The following REEP1 variants were observed in gnomAD, a reference collection of about 807,000 sequenced individuals.
The protein encoded by REEP1 is receptor expression-enhancing protein 1.
A neutral mutation model predicts 40.3 loss-of-function variants in REEP1; 22 were observed. The ratio of observed to expected loss-of-function variants is 0.55; its 90% CI spans 0.39 to 0.78. REEP1 has a LOEUF of 0.78. REEP1 is among the 30% of genes least tolerant of loss of function. REEP1 has a pLI of 0.00. For synonymous variants in REEP1, 116 were observed against 139.2 expected, an observed-to-expected ratio of 0.83 and a Z score of 1.17; for missense variants, 280 against 361.1, an observed-to-expected ratio of 0.78 and a Z score of 1.82.
Position 86,215,225 on chromosome 2 carries a change from T to C in REEP1, c.*1814A>G, listed in dbSNP as rs765004590. 3 of 152,204 alleles carry C rather than the reference T, an allele frequency of 2.0e-5. No individual in the cohort carries two copies. Among genetic ancestry groups the C allele is most frequent in the Non-Finnish European group, 4.4e-5 (3 of 68,028 alleles). The allele number at this position is 152,204 out of a possible 1,614,324, so 9.4% of individuals were successfully genotyped here. ...AGAACATGAGCAAACAGCTTCTGTT[T>C]ATCCTCTCAGCCACAAATTCGCTTT... On this transcript the variant is annotated 3_prime_UTR_variant, in exon 9 of 9. Transcript: ENST00000538924.
chr2:86,301,271 A>G (rs1213410043), intron 1 of REEP1, among the ~76,000 whole-genome samples: 1 of 152,158 alleles, frequency 6.6e-6, no homozygotes, highest in East Asian at 1.9e-4. Flanking sequence ...TACAGCCCCC[A>G]CTTCCCTAGG....
At chr2:86,259,108 C>A (rs1212172650) in intron 3 of REEP1, among the ~76,000 whole-genome samples, 1 of 152,002 alleles carries the variant, frequency 6.6e-6, no homozygotes, top group Non-Finnish European at 1.5e-5. Flanking sequence ...GAGATCGAGA[C>A]CATCCTGGCT....
chr2:86,252,466 T>G lies in REEP1; in HGVS notation c.304-396A>C, dbSNP rs1245659884. 1.4e-5 allele frequency among the ~76,000 whole-genome samples: 2 copies of G among 139,524 alleles called. 1 individual carries two copies. The highest frequency in any genetic ancestry group is 4.8e-4 in the East Asian group (2 of 4,160). The allele number at this position is 139,524 out of a possible 152,430, so 91.5% of individuals were successfully genotyped here. ...TTCTAGCCTCAGACCTGCCACCAACTGACTGCCAGACCTTGGCAAGCCTCT... is the reference window on the plus strand; with the variant it reads ...TTCTAGCCTCAGACCTGCCACCAACGGACTGCCAGACCTTGGCAAGCCTCT... On this transcript the variant is annotated intron_variant, in intron 4 of 8. Transcript: ENST00000538924.
upstream of REEP1, among the ~76,000 whole-genome samples, chr2:86,337,813 G>A (rs1194784630): frequency 6.6e-6 from 1 of 151,808 alleles, no homozygotes; most frequent in East Asian, 1.9e-4. The surrounding 1 kb of genome is among the most constrained non-coding windows in gnomAD (Gnocchi z 5.8). Context: ...AGGCGGGCGC[G>A]TCCTGCGCGC....
rs1166304161 is a variant in REEP1 at position 86,226,463 on chromosome 2, CTTTTCT to C, written c.631+894_631+899del. On this transcript the variant is annotated intron_variant, in intron 7 of 8. Transcript: ENST00000538924. ...AAGTATGACCCTGTTGTGGCTTTTT[CTTTTCT>C]TTTTTTTTTTTTTTTTTTGAGACAG... Among the ~76,000 whole-genome samples the C allele has an allele frequency of 4.8e-4, 14 of 28,972 alleles. 3 individuals are homozygous for C. The highest frequency in any genetic ancestry group is 5.3e-4 in the African/African-American group (8 of 15,146). 19.0% of individuals were successfully genotyped at this position (28,972 alleles called of 152,430 possible).
chr2:86,262,871 A>T (rs1288732708), intron 3 of REEP1, among the ~76,000 whole-genome samples: 1 of 152,220 alleles, frequency 6.6e-6, no homozygotes, highest in Non-Finnish European at 1.5e-5. Context: ...ACAGAAATCG[A>T]TATATTATTT....
intron 2 of REEP1, among the ~76,000 whole-genome samples, chr2:86,273,315 T>C (rs1300073294): frequency 1.3e-5 from 2 of 148,970 alleles, no homozygotes; most frequent in East Asian, 4.0e-4. Context: ...GGACAGGGTC[T>C]CGCTTGTCAT....
chr2:86,272,116 G>A (rs1196534678), intron 2 of REEP1, among the ~76,000 whole-genome samples: 1 of 152,208 alleles, frequency 6.6e-6, no homozygotes, highest in Non-Finnish European at 1.5e-5. Context: ...TAGCTACTCA[G>A]GAGGCTGAGG....
Position 86,230,506 on chromosome 2 carries a change from C to G in REEP1, c.595+2119G>C, listed in dbSNP as rs531405682. ...CGCTTCCTAGCCAAAGCAGGAATCCCTCCCTCGAACCTGACCATCCAGCTT... is the reference window on the plus strand; with the variant it reads ...CGCTTCCTAGCCAAAGCAGGAATCCGTCCCTCGAACCTGACCATCCAGCTT... On this transcript the variant is annotated intron_variant, in intron 6 of 8. Coordinates refer to ENST00000538924, the MANE Select transcript of REEP1 (RefSeq NM_001371279.1). Among the ~76,000 whole-genome samples, 21 of 152,370 alleles carry G rather than the reference C, an allele frequency of 1.4e-4. 1 individual carries two copies. In the South Asian group the frequency reaches 2.5e-3, roughly 18 times the overall value.
rs567290403 is a variant in REEP1, at chr2:86,302,063, A to C, written c.33-19821T>G. 3.9e-5 allele frequency among the ~76,000 whole-genome samples: 6 copies of C among 152,314 alleles called. No individual in the cohort carries two copies. The East Asian group carries it at 9.6e-4, about 24-fold the overall frequency. ...CTTCCTGAAGCTTGACTTCCTCATT[A>C]ATGGATGTGCAGCTAATGGAGTGCT... On this transcript the variant is annotated intron_variant, in intron 1 of 8. Coordinates refer to ENST00000538924, the MANE Select transcript of REEP1 (RefSeq NM_001371279.1).
chr2:86,288,986 T>C (rs573250443), intron 1 of REEP1, among the ~76,000 whole-genome samples: 1 of 152,312 alleles, frequency 6.6e-6, no homozygotes, highest in Non-Finnish European at 1.5e-5. Flanking sequence ...ATTTTGGGTA[T>C]AAATCCTTTC....
chr2:86,328,856 C>T (rs1249150513), intron 1 of REEP1, among the ~76,000 whole-genome samples: 2 of 152,172 alleles, frequency 1.3e-5, no homozygotes, highest in Non-Finnish European at 2.9e-5. Context: ...GGTCCCGTGG[C>T]AGCGTCTAGG....
At chr2:86,245,905 C>T (rs190778395) in intron 5 of REEP1, among the ~76,000 whole-genome samples, 151 of 152,110 alleles carry the variant, frequency 9.9e-4, no homozygotes, top group African/African-American at 3.2e-3. Context: ...GCTGGGACTA[C>T]AGGCGCCCGC....
At chr2:86,310,563 T>C (rs1679712822) in intron 1 of REEP1, among the ~76,000 whole-genome samples, 1 of 152,316 alleles carries the variant, frequency 6.6e-6, no homozygotes, top group East Asian at 1.9e-4. Flanking sequence ...CATAACTGTA[T>C]ATAGACATAT....
At position 86,262,741 on chromosome 2, in the gene REEP1, C is replaced by G. The variant is rs554388066; in HGVS notation, c.182+1224G>C. 4.6e-5 allele frequency among the ~76,000 whole-genome samples: 7 copies of G among 152,374 alleles called. No individual in the cohort carries two copies. The South Asian group carries it at 1.4e-3, about 32-fold the overall frequency. The stretch of plus-strand genomic sequence containing the variant: ...CCATGGTTAAAACATTCGTACAACA[C>G]AGCAAATGCAAAACCAACCCCATGA... On this transcript the variant is annotated intron_variant, in intron 3 of 8. Transcript: ENST00000538924.
At chr2:86,274,692 G>A (rs1196336557) in intron 2 of REEP1, among the ~76,000 whole-genome samples, 1 of 152,198 alleles carries the variant, frequency 6.6e-6, no homozygotes. Context: ...CCTTCAGTCA[G>A]AATAGAGAGA....
chr2:86,292,199 A>T (rs894984259), intron 1 of REEP1, among the ~76,000 whole-genome samples: 1 of 152,228 alleles, frequency 6.6e-6, no homozygotes, highest in East Asian at 1.9e-4. Flanking sequence ...GAGACCAAAA[A>T]CACCTACTTT....
chr2:86,338,053 T>G, upstream of REEP1: 1 of 1,537,256 alleles, frequency 6.5e-7, no homozygotes, highest in Non-Finnish European at 8.7e-7. Flanking sequence ...CTTCAGTCTG[T>G]CCGTTGCTCA....
intron 1 of REEP1, among the ~76,000 whole-genome samples, chr2:86,328,565 G>A (rs1444663340): frequency 6.6e-6 from 1 of 152,222 alleles, no homozygotes; most frequent in Non-Finnish European, 1.5e-5. Flanking sequence ...TGTAGTCCCG[G>A]CTACTCGGGA....
Sources: allele counts gnomAD v4.1 joint callset (sites outside exome capture counted in the v4.1 genomes callset), GRCh38; gene constraint gnomAD v4.1.1; non-coding constraint Gnocchi (gnomAD v3.1); transcripts MANE v1.5; gene names NCBI Gene and HGNC (gene_info 2026-07-23, HGNC 2026-07-21).